UPF3A: variants seen among roughly 807,000 people sequenced by gnomAD.
UPF3A encodes UPF3A regulator of nonsense mediated mRNA decay.
A neutral mutation model predicts 53.5 loss-of-function variants in UPF3A; 42 were observed. That is an observed-to-expected ratio of 0.78 (90% CI 0.61 to 1.01). The LOEUF is 1.01. Among genes scored for constraint, UPF3A ranks in the 50% least tolerant of loss-of-function variants. The pLI is 0.00. For missense variants in UPF3A, 575 were observed against 598.0 expected (o/e 0.96, Z 0.40); for synonymous variants, 237 against 225.3 (o/e 1.05, Z -0.47).
rs774448479 is a variant in UPF3A at position 114,298,941 on chromosome 13, C to T, written c.948C>T (p.Ala316=). The T allele has an allele frequency of 6.2e-7, 1 of 1,610,704 alleles. No individual in the cohort carries two copies. The highest frequency in any genetic ancestry group is 2.2e-5 in the East Asian group (1 of 44,724). The change falls in exon 8 of 10, where the codon GCC becomes GCT. Residue 316 remains alanine, a synonymous_variant. Coordinates refer to ENST00000375299, the MANE Select transcript of UPF3A (RefSeq NM_023011.4). ...GAGGTGGCAAGCAGGAATCCTGTGC[C>T]CCCGGTGCAGTCGTAAAAGCCAGGC... is the stretch of plus-strand genomic sequence containing the variant. ...DTGGGKQESC[A]PGAVVKARPM... is the part of the protein sequence containing the mutation.
chr13:114,282,221 T>C, intron 2 of UPF3A, 94 bp downstream of exon 2: 1 of 1,103,554 alleles, frequency 9.1e-7, no homozygotes, highest in Non-Finnish European at 1.3e-6. Flanking sequence ...CCCTGATTTC[T>C]CCTATATGGG....
intron 7 of UPF3A, among the ~76,000 whole-genome samples, chr13:114,297,824 G>A (rs891223869): frequency 2.2e-4 from 33 of 152,048 alleles, no homozygotes; most frequent in Admixed American, 1.5e-3. Context: ...GTGAGACGTC[G>A]TCTCAAAAAA....
At chr13:114,283,048 G>A (rs923055812) in intron 3 of UPF3A, 105 bp downstream of exon 3, 10 of 911,714 alleles carry the variant, frequency 1.1e-5, no homozygotes, top group Admixed American at 2.9e-5. Context: ...TTTGAGACAG[G>A]GTCTTGCTCT....
At chr13:114,286,699 CT>C in intron 5 of UPF3A, 70 bp downstream of exon 5, 1 of 1,278,814 alleles carries the variant, frequency 7.8e-7, no homozygotes, top group Non-Finnish European at 1.1e-6. Context: ...CGTTTTTTCT[CT>C]TTTTCTTGAC....
At chr13:114,295,020 G>T (rs1213989578) in intron 7 of UPF3A, among the ~76,000 whole-genome samples, 3 of 150,836 alleles carry the variant, frequency 2.0e-5, no homozygotes, top group Non-Finnish European at 2.9e-5. Context: ...GCTGAGGCAG[G>T]AGAATGGCAT....
intron 9 of UPF3A, among the ~76,000 whole-genome samples, chr13:114,303,418 C>T (rs2086771187): frequency 6.6e-6 from 1 of 152,140 alleles, no homozygotes; most frequent in East Asian, 1.9e-4. Context: ...TTCCCGGGAG[C>T]CTGGCATTTG....
At position 114,291,657 on chromosome 13, in the gene UPF3A, A is replaced by G; in HGVS notation, c.711A>G (p.Glu237=). 1 of 1,606,210 alleles carries G rather than the reference A, an allele frequency of 6.2e-7. No individual in the cohort carries two copies. The highest frequency in any genetic ancestry group is 8.5e-7 in the Non-Finnish European group (1 of 1,178,158). Residue 237 remains glutamate, a synonymous_variant, in exon 7 of 10, where the codon GAA becomes GAG. Transcript: ENST00000375299. ...AGAGAATTCGAGAAGAGAAGCGAGA[A>G]GAACGGAGGAGGAGAGAGTTAGAAA... The part of the protein sequence containing the change: ...EKQRIREEKR[E]ERRRRELEKK...
chr13:114,303,818 G>A (rs1052490004), intron 9 of UPF3A, among the ~76,000 whole-genome samples: 8 of 152,170 alleles, frequency 5.3e-5, no homozygotes, highest in East Asian at 1.9e-4. Context: ...AGAGCTATGC[G>A]TGCTGGCTCC....
At chr13:114,304,664 T>G in intron 9 of UPF3A, 125 bp from the exon 10 acceptor site, 1 of 1,382,096 alleles carries the variant, frequency 7.2e-7, no homozygotes, top group Non-Finnish European at 9.8e-7. Context: ...AAAGGGCTGA[T>G]TTTTAGCTGC....
chr13:114,290,746 T>C (rs1290890522), intron 5 of UPF3A, among the ~76,000 whole-genome samples: 3 of 151,210 alleles, frequency 2.0e-5, no homozygotes, highest in Non-Finnish European at 4.4e-5. Flanking sequence ...TTTTTTTTTT[T>C]TTTTGAGGCA....
At position 114,284,145 on chromosome 13, in the gene UPF3A, C is replaced by T. The variant is rs552424904; in HGVS notation, c.421+1202C>T. On this transcript the variant is annotated intron_variant, in intron 3 of 9. Transcript: ENST00000375299. ...TTAGGAGGCCAAGGCGGGTGGATCA[C>T]GAGGTCAGGAGTTCGAGACCGGCCT... is the stretch of plus-strand genomic sequence containing the variant. 1.7e-5 allele frequency: 15 copies of T among 873,802 alleles called. No individual in the cohort carries two copies. In the Admixed American group the frequency reaches 1.9e-4, roughly 11 times the overall value. The allele number at this position is 873,802 out of a possible 1,614,324, so 54.1% of individuals were successfully genotyped here.
At chr13:114,303,191 G>C (rs767248156) in intron 9 of UPF3A, among the ~76,000 whole-genome samples, 4 of 152,206 alleles carry the variant, frequency 2.6e-5, no homozygotes, top group Non-Finnish European at 4.4e-5. Context: ...GAATACTCCA[G>C]TTCTCTGGGG....
chr13:114,294,432 A>T (rs1280798263), intron 7 of UPF3A, among the ~76,000 whole-genome samples: 1 of 151,398 alleles, frequency 6.6e-6, no homozygotes, highest in South Asian at 2.1e-4. Flanking sequence ...TAGCTAATTT[A>T]AAAAAAAATT....
rs770424499 is a variant in UPF3A at position 114,281,818 on chromosome 13, G to C, written c.179G>C (p.Arg60Pro). 1 of 1,546,364 alleles carries C rather than the reference G, an allele frequency of 6.5e-7. No individual in the cohort carries two copies. Among genetic ancestry groups the C allele is most frequent in the Non-Finnish European group, 8.7e-7 (1 of 1,144,216 alleles). The change falls in exon 1 of 10, where the codon CGC becomes CCC. Residue 60 changes from arginine (R) to proline (P), a missense_variant. This residue lies in a region of UPF3A where 252 missense variants were observed against 182.7 expected (regional missense o/e 1.38). Coordinates refer to ENST00000375299, the MANE Select transcript of UPF3A (RefSeq NM_023011.4). ...TGCGGGGGCGGTGCGGGCAAACCTC[G>C]CGAGGAGAAGAGGACGGCCCTGAGC... Reference protein sequence around the residue: ...SGCGGGAGKPREEKRTALSKV... With the variant: ...SGCGGGAGKPPEEKRTALSKV...
chr13:114,294,960 A>G (rs555591567), intron 7 of UPF3A, among the ~76,000 whole-genome samples: 1 of 151,118 alleles, frequency 6.6e-6, no homozygotes, highest in East Asian at 1.9e-4. Context: ...AAAATACAAA[A>G]AATTAGCTGG....
chr13:114,295,011 C>G (rs1162105549), intron 7 of UPF3A, among the ~76,000 whole-genome samples: 1 of 150,810 alleles, frequency 6.6e-6, no homozygotes, highest in Non-Finnish European at 1.5e-5. Flanking sequence ...ACTTGGAAGG[C>G]TGAGGCAGGA....
rs2084719678 is a variant in UPF3A at position 114,286,643 on chromosome 13, A to C, written c.631+14A>C. 2 of 1,584,112 alleles carry C rather than the reference A, an allele frequency of 1.3e-6. No individual in the cohort carries two copies. Among genetic ancestry groups the C allele is most frequent in the Non-Finnish European group, 1.7e-6 (2 of 1,164,974 alleles). On this transcript the variant is annotated intron_variant, in intron 5 of 9. Transcript: ENST00000375299. ...GAGAGCTCATTGGTCTGTTTTGCTC[A>C]TTTCTTCTCTTTTCTTTATTGAGAG...
At chr13:114,301,642 T>C in intron 8 of UPF3A, 89 bp from the exon 9 acceptor site, 1 of 1,385,332 alleles carries the variant, frequency 7.2e-7, no homozygotes, top group Non-Finnish European at 1.0e-6. Flanking sequence ...CATGGGTCCC[T>C]GTTGTCTGGG....
At chr13:114,291,849 C>T in intron 7 of UPF3A, 57 bp downstream of exon 7, 1 of 1,508,980 alleles carries the variant, frequency 6.6e-7, no homozygotes, top group African/African-American at 1.4e-5. Context: ...AGTAATTACA[C>T]TTTTTACATA....
Sources: allele counts gnomAD v4.1 joint callset (sites outside exome capture counted in the v4.1 genomes callset), GRCh38; gene constraint gnomAD v4.1.1; regional missense constraint gnomAD v4.1.1; transcripts MANE v1.5; gene names NCBI Gene and HGNC (gene_info 2026-07-23, HGNC 2026-07-21).